The following ENOX1 variants were observed in gnomAD, a reference collection of about 807,000 sequenced individuals.
ENOX1 encodes the protein ecto-NOX disulfide-thiol exchanger 1, also known as candidate growth-related and time keeping constitutive hydroquinone (NADH) oxidase.
ENOX1 carries 42 observed loss-of-function variants against 82.5 expected under a neutral mutation model. The ratio of observed to expected loss-of-function variants is 0.51; its 90% CI spans 0.40 to 0.66. The LOEUF (loss-of-function observed/expected upper bound fraction) is 0.66. Among genes scored for constraint, ENOX1 ranks in the 30% least tolerant of loss-of-function variants. The pLI, the probability that ENOX1 is intolerant of heterozygous loss-of-function variation, is 0.00. For missense variants in ENOX1, 608 were observed against 811.6 expected (o/e 0.75, Z 3.05); for synonymous variants, 271 against 282.2 (o/e 0.96, Z 0.40).
chr13:43,557,543 C>G (rs2079493969), intron 2 of ENOX1, among the ~76,000 whole-genome samples: 1 of 152,120 alleles, frequency 6.6e-6, no homozygotes, highest in African/African-American at 2.4e-5. Flanking sequence ...TAAATGGAAC[C>G]TAGTGTCTTG....
intron 2 of ENOX1, among the ~76,000 whole-genome samples, chr13:43,662,125 G>A (rs944461028): frequency 2.6e-5 from 4 of 152,118 alleles, no homozygotes; most frequent in African/African-American, 4.8e-5. Context: ...AGGTCCATTA[G>A]GCCCGATATT....
intron 2 of ENOX1, among the ~76,000 whole-genome samples, chr13:43,495,773 A>G (rs1363987902): frequency 1.3e-5 from 2 of 148,328 alleles, no homozygotes; most frequent in African/African-American, 4.9e-5. Context: ...AAAATCCTGT[A>G]ATATGTTATA....
chr13:43,773,443 C>G (rs1420159531), intron 1 of ENOX1, among the ~76,000 whole-genome samples: 2 of 152,188 alleles, frequency 1.3e-5, no homozygotes, highest in Non-Finnish European at 2.9e-5. Context: ...GCATGGTTTA[C>G]TAGGTCCAGC....
At chr13:43,629,985 AG>A (rs2083133390) in intron 2 of ENOX1, among the ~76,000 whole-genome samples, 1 of 152,176 alleles carries the variant, frequency 6.6e-6, no homozygotes, top group South Asian at 2.1e-4. Context: ...AGTTCTGAGA[AG>A]GGAATTTTTA....
chr13:43,229,528 G>A (rs2042180832), intron 15 of ENOX1, among the ~76,000 whole-genome samples: 1 of 152,192 alleles, frequency 6.6e-6, no homozygotes, highest in South Asian at 2.1e-4. Flanking sequence ...TGTGCCAGGG[G>A]AAAGAGTTTG....
chr13:43,390,539 T>C (rs1417924300), intron 5 of ENOX1, among the ~76,000 whole-genome samples: 1 of 152,200 alleles, frequency 6.6e-6, no homozygotes, highest in East Asian at 1.9e-4. Context: ...ACCATTTTTC[T>C]GTCTCAGTTT....
chr13:43,422,680 T>G (rs946137800), intron 3 of ENOX1, among the ~76,000 whole-genome samples: 1 of 151,928 alleles, frequency 6.6e-6, no homozygotes, highest in African/African-American at 2.4e-5. Context: ...AAACATGCAA[T>G]CAAACAAAAT....
chr13:43,355,872 C>G, intron 8 of ENOX1, 47 bp downstream of exon 8: 4 of 1,548,292 alleles, frequency 2.6e-6, no homozygotes, highest in Non-Finnish European at 2.6e-6. Context: ...GGTTCCGTGT[C>G]TGGGGATCCC....
chr13:43,291,999 C>G (rs905965107), intron 12 of ENOX1, among the ~76,000 whole-genome samples: 1 of 152,118 alleles, frequency 6.6e-6, no homozygotes, highest in African/African-American at 2.4e-5. Flanking sequence ...AGCAAAGCCA[C>G]AGAGCTTCAC....
At chr13:43,435,145 G>A (rs1021156759) in intron 3 of ENOX1, among the ~76,000 whole-genome samples, 2 of 151,798 alleles carry the variant, frequency 1.3e-5, no homozygotes. Flanking sequence ...TTTTCCTTAT[G>A]GTCATTCTAA....
intron 5 of ENOX1, among the ~76,000 whole-genome samples, chr13:43,401,420 A>C (rs1053531747): frequency 2.0e-5 from 3 of 152,208 alleles, no homozygotes; most frequent in African/African-American, 7.2e-5. Context: ...AGTCCCAGCC[A>C]CTGTCTAGAA....
chr13:43,453,332 C>T (rs1216947290), intron 3 of ENOX1, among the ~76,000 whole-genome samples: 1 of 152,196 alleles, frequency 6.6e-6, no homozygotes, highest in Non-Finnish European at 1.5e-5. Context: ...TACCTCTGGG[C>T]TCTGTGCACA....
At chr13:43,631,430 AGCCTGGGG>A (rs2083211441) in intron 2 of ENOX1, among the ~76,000 whole-genome samples, 1 of 152,264 alleles carries the variant, frequency 6.6e-6, no homozygotes, top group Non-Finnish European at 1.5e-5. Flanking sequence ...CGGCCAGGTA[AGCCTGGGG>A]CTCTTTCAGC....
chr13:43,396,499 C>T (rs2053160152), intron 5 of ENOX1, among the ~76,000 whole-genome samples: 1 of 152,156 alleles, frequency 6.6e-6, no homozygotes, highest in Admixed American at 6.5e-5. Context: ...CCTGTGTCAG[C>T]CTCCTGAGTA....
At chr13:43,244,192 A>T (rs2042972720) in intron 14 of ENOX1, among the ~76,000 whole-genome samples, 1 of 151,240 alleles carries the variant, frequency 6.6e-6, no homozygotes, top group Non-Finnish European at 1.5e-5. Flanking sequence ...TTAATGAAAA[A>T]CATGGATAAT....
chr13:43,777,398 C>T (rs1191211815), intron 1 of ENOX1, among the ~76,000 whole-genome samples: 8 of 152,154 alleles, frequency 5.3e-5, no homozygotes, highest in Non-Finnish European at 1.2e-4. Flanking sequence ...CGTACACACA[C>T]ATAGTTGTAC....
chr13:43,721,769 A>G (rs1252065041), intron 1 of ENOX1, among the ~76,000 whole-genome samples: 1 of 152,166 alleles, frequency 6.6e-6, no homozygotes, highest in Non-Finnish European at 1.5e-5. Flanking sequence ...CAAATTAGAT[A>G]GACAGCCTGC....
chr13:43,299,044 G>C lies in ENOX1; in HGVS notation c.1262-514C>G, dbSNP rs183323019. Among the ~76,000 whole-genome samples the C allele has an allele frequency of 3.9e-4, 59 of 152,198 alleles. 1 individual carries two copies. Among genetic ancestry groups the C allele is most frequent in the Admixed American group, 3.8e-3 (58 of 15,284 alleles). ...ACCACTCCTTCCTGCTCTACTGCTG[G>C]GACAAATTGCACAGATTGTTTTCCT... is the stretch of plus-strand genomic sequence containing the variant. On this transcript the variant is annotated intron_variant, in intron 11 of 16. Transcript: ENST00000690772.
chr13:43,783,842 A>T (rs1248257500), intron 1 of ENOX1, among the ~76,000 whole-genome samples: 3 of 152,120 alleles, frequency 2.0e-5, no homozygotes, highest in African/African-American at 4.8e-5. Context: ...AATATTCCTT[A>T]AAAAACATCC....
Sources: allele counts gnomAD v4.1 joint callset (sites outside exome capture counted in the v4.1 genomes callset), GRCh38; gene constraint gnomAD v4.1.1; transcripts MANE v1.5; gene names NCBI Gene and HGNC (gene_info 2026-07-23, HGNC 2026-07-21).